C12orf42: variants seen among roughly 807,000 people sequenced by gnomAD.
C12orf42 encodes the protein chromosome 12 open reading frame 42.
In C12orf42, 25 loss-of-function variants were observed where a neutral mutation model predicts 21.6. That is an observed-to-expected ratio of 1.16 (90% CI 0.84 to 1.62). The LOEUF (loss-of-function observed/expected upper bound fraction) is 1.62, where lower values mean the gene tolerates loss of function less well. C12orf42 is among the 40% of genes most tolerant of loss of function. The pLI is 0.00. For synonymous variants in C12orf42, 174 were observed against 175.0 expected (o/e 0.99, Z 0.05); for missense variants, 483 against 459.3 (o/e 1.05, Z -0.47).
the C12orf42 span, among the ~76,000 whole-genome samples, chr12:103,556,057 T>C: frequency 1.3e-5 from 2 of 152,122 alleles, no homozygotes; most frequent in African/African-American, 4.8e-5. Flanking sequence ...TCTGCTACCA[T>C]CAATAAAAGA....
chr12:103,349,792 A>G (rs1215802832), intron 4 of C12orf42, among the ~76,000 whole-genome samples: 1 of 152,202 alleles, frequency 6.6e-6, no homozygotes, highest in Admixed American at 6.5e-5. Flanking sequence ...AATGTTTTTT[A>G]AGATACGCAA....
chr12:103,055,739 T>C, the C12orf42 span, among the ~76,000 whole-genome samples: 10 of 152,164 alleles, frequency 6.6e-5, no homozygotes, highest in East Asian at 1.9e-3. Context: ...AATTTTGACA[T>C]ACTGTATTTT....
intron 4 of C12orf42, among the ~76,000 whole-genome samples, chr12:103,354,404 A>G (rs1019787478): frequency 5.3e-5 from 8 of 152,072 alleles, no homozygotes; most frequent in East Asian, 1.9e-4. Context: ...CATGGTCCCT[A>G]TGCTACTTCA....
chr12:103,113,275 C>T, the C12orf42 span, among the ~76,000 whole-genome samples: 1 of 152,134 alleles, frequency 6.6e-6, no homozygotes, highest in East Asian at 1.9e-4. Flanking sequence ...CTGCTTTCGG[C>T]GTCCTTCCAT....
the C12orf42 span, among the ~76,000 whole-genome samples, chr12:103,537,408 C>CT: frequency 6.6e-6 from 1 of 152,056 alleles, no homozygotes; most frequent in Non-Finnish European, 1.5e-5. Flanking sequence ...TGTGGTTTGA[C>CT]TTCCATAGAA....
chr12:103,453,082 TG>T (rs1952056978), intron 2 of C12orf42, among the ~76,000 whole-genome samples: 2 of 151,970 alleles, frequency 1.3e-5, no homozygotes, highest in Non-Finnish European at 2.9e-5. Context: ...CTAAATTTTC[TG>T]GAGAAGTTTG....
chr12:103,561,850 ATGTT>A, the C12orf42 span, among the ~76,000 whole-genome samples: 1 of 152,122 alleles, frequency 6.6e-6, no homozygotes, highest in Non-Finnish European at 1.5e-5. Context: ...GACTTTTCAA[ATGTT>A]TTGATCTCAA....
the C12orf42 span, among the ~76,000 whole-genome samples, chr12:103,135,260 G>C: frequency 2.0e-5 from 3 of 152,048 alleles, no homozygotes; most frequent in Non-Finnish European, 4.4e-5. Context: ...TTTGAGACCA[G>C]CCTGGGCAAC....
intron 1 of C12orf42, among the ~76,000 whole-genome samples, chr12:103,484,776 G>T (rs55834556): frequency 0.014 from 2,172 of 150,628 alleles, 38 homozygotes; most frequent in Non-Finnish European, 0.021. Context: ...TTCTTCTAAG[G>T]TTTTATGGTT....
the C12orf42 span, among the ~76,000 whole-genome samples, chr12:103,077,989 T>C: frequency 6.6e-6 from 1 of 152,056 alleles, no homozygotes; most frequent in East Asian, 1.9e-4. Flanking sequence ...AAGAAAGAGT[T>C]TAGGACAATC....
At chr12:103,516,510 G>C in the C12orf42 span, among the ~76,000 whole-genome samples, 6 of 152,206 alleles carry the variant, frequency 3.9e-5, no homozygotes, top group African/African-American at 4.8e-5. Flanking sequence ...CATGGCTGGA[G>C]AGGCCTCTGG....
At chr12:103,394,570 G>T (rs1257444900) in intron 3 of C12orf42, among the ~76,000 whole-genome samples, 1 of 152,128 alleles carries the variant, frequency 6.6e-6, no homozygotes, top group African/African-American at 2.4e-5. Context: ...TCGCTGATTT[G>T]GTTATGTGTT....
chr12:103,166,546 T>G, the C12orf42 span, among the ~76,000 whole-genome samples: 1 of 152,068 alleles, frequency 6.6e-6, no homozygotes, highest in Non-Finnish European at 1.5e-5. Flanking sequence ...ATAAATGGAG[T>G]CAGAATTTGA....
intron 4 of C12orf42, among the ~76,000 whole-genome samples, chr12:103,284,465 T>C (rs2036319797): frequency 6.6e-6 from 1 of 152,182 alleles, no homozygotes; most frequent in African/African-American, 2.4e-5. Flanking sequence ...CAGGTAGCTC[T>C]CTGAGCCTGG....
chr12:103,396,583 A>G (rs1162295768), intron 3 of C12orf42: 1 of 152,218 alleles, frequency 6.6e-6, no homozygotes, highest in African/African-American at 2.4e-5. Flanking sequence ...ATTGCTAGAC[A>G]TTTGCAATTA....
At chr12:103,322,106 CG>C (rs1566077347) in intron 4 of C12orf42, among the ~76,000 whole-genome samples, 35 of 127,496 alleles carry the variant, frequency 2.7e-4, no homozygotes, top group African/African-American at 1.0e-3. Flanking sequence ...TGTGCACGCG[CG>C]TGCGTGCGCG....
chr12:103,542,177 T>C, the C12orf42 span, among the ~76,000 whole-genome samples: 4 of 152,140 alleles, frequency 2.6e-5, no homozygotes, highest in Admixed American at 2.0e-4. Context: ...TCTTGGGATG[T>C]TGAAAGAATA....
the C12orf42 span, among the ~76,000 whole-genome samples, chr12:103,511,549 C>T: frequency 6.6e-6 from 1 of 151,886 alleles, no homozygotes; most frequent in Admixed American, 6.6e-5. Flanking sequence ...TGGCCTATTC[C>T]ACTGCTCAAC....
intron 1 of C12orf42, among the ~76,000 whole-genome samples, chr12:103,481,664 A>C (rs1304448634): frequency 6.6e-6 from 1 of 151,850 alleles, no homozygotes; most frequent in Admixed American, 6.6e-5. Flanking sequence ...TTTAAAAAAA[A>C]AATACCGTCT....
Sources: allele counts gnomAD v4.1 joint callset (sites outside exome capture counted in the v4.1 genomes callset), GRCh38; gene constraint gnomAD v4.1.1; transcripts MANE v1.5; gene names NCBI Gene and HGNC (gene_info 2026-07-23, HGNC 2026-07-21).